Variants in FAM81B observed in about 807,000 individuals in gnomAD.
FAM81B encodes family with sequence similarity 81 member B.
FAM81B carries 60 observed loss-of-function variants against 58.7 expected under a neutral mutation model. The observed-to-expected ratio is 1.02, with a 90% CI of 0.83 to 1.27. The LOEUF (loss-of-function observed/expected upper bound fraction) is 1.27. Ranked by LOEUF, FAM81B falls within the 50% of genes most tolerant of loss-of-function variation. The pLI is 0.00. For missense variants in FAM81B, 491 were observed against 522.0 expected, an observed-to-expected ratio of 0.94 and a Z score of 0.58; for synonymous variants, 189 against 179.6, an observed-to-expected ratio of 1.05 and a Z score of -0.42.
chr5:95,419,303 T>C (rs1762617445), intron 4 of FAM81B, among the ~76,000 whole-genome samples: 1 of 152,200 alleles, frequency 6.6e-6, no homozygotes, highest in Non-Finnish European at 1.5e-5. Context: ...CTAGTAAAAT[T>C]CATAACCATA....
intron 7 of FAM81B, among the ~76,000 whole-genome samples, chr5:95,446,249 A>G (rs970726926): frequency 1.3e-5 from 2 of 152,192 alleles, no homozygotes; most frequent in African/African-American, 2.4e-5. Flanking sequence ...CCAGGCCATG[A>G]GAGGAATTCT....
intron 6 of FAM81B, among the ~76,000 whole-genome samples, chr5:95,432,010 T>C (rs1744918173): frequency 6.6e-6 from 1 of 152,064 alleles, no homozygotes; most frequent in African/African-American, 2.4e-5. Context: ...CATCCTGGTC[T>C]TCTTCCTAAC....
chr5:95,411,211 G>C (rs559002237), intron 3 of FAM81B, among the ~76,000 whole-genome samples: 1 of 152,150 alleles, frequency 6.6e-6, no homozygotes, highest in South Asian at 2.1e-4. Flanking sequence ...GGATGACCTA[G>C]GACCAGTTAA....
intron 7 of FAM81B, among the ~76,000 whole-genome samples, chr5:95,441,397 C>T (rs1745339479): frequency 6.6e-6 from 1 of 152,002 alleles, no homozygotes; most frequent in Admixed American, 6.6e-5. Context: ...AGTGAAACCC[C>T]GCCTGTACTA....
chr5:95,420,324 CAGGAACTAACTTTGCAG>C lies in FAM81B; in HGVS notation c.579_595del (p.Gly194ThrfsTer22), dbSNP rs760803159. On this transcript the variant is annotated frameshift_variant, in exon 5 of 10. Coordinates refer to ENST00000283357, the MANE Select transcript of FAM81B (RefSeq NM_152548.3). LOFTEE classifies it high-confidence loss of function. Reference sequence around the variant, plus strand: ...ATAAGAGCTCGAGATCAGGCGGCCACAGGAACTAACTTTGCAGTACACGAGATAAACATCAAACACCT... The same window carrying C: ...ATAAGAGCTCGAGATCAGGCGGCCACTACACGAGATAAACATCAAACACCT... 44 of 1,613,742 alleles carry C rather than the reference CAGGAACTAACTTTGCAG, an allele frequency of 2.7e-5. No individual in the cohort carries two copies. The highest frequency in any genetic ancestry group is 3.6e-5 in the Non-Finnish European group (42 of 1,179,826).
At chr5:95,401,606 T>C (rs888924133) in intron 3 of FAM81B, among the ~76,000 whole-genome samples, 27 of 152,240 alleles carry the variant, frequency 1.8e-4, no homozygotes, top group African/African-American at 6.3e-4. Flanking sequence ...TTTGTAGGAC[T>C]CTCTGCACTC....
At chr5:95,394,678 C>G (rs949424518) in intron 2 of FAM81B, among the ~76,000 whole-genome samples, 1 of 152,130 alleles carries the variant, frequency 6.6e-6, no homozygotes, top group Non-Finnish European at 1.5e-5. Flanking sequence ...CATTGCAGAC[C>G]CCATTCAGCA....
At chr5:95,450,103 C>T (rs192114736) in intron 9 of FAM81B, 46 bp from the exon 10 acceptor site, 3 of 1,540,690 alleles carry the variant, frequency 1.9e-6, no homozygotes. Flanking sequence ...TAAAAAAAAG[C>T]TCTAATGCAT....
At chr5:95,437,880 A>C (rs7705631) in intron 7 of FAM81B, among the ~76,000 whole-genome samples, 30,243 of 151,550 alleles carry the variant, frequency 0.2, 5,485 homozygotes, top group African/African-American at 0.49. Context: ...TATTCTTTTT[A>C]CTCTATGTCT....
Position 95,408,376 on chromosome 5 carries a change from T to G in FAM81B, c.294-5571T>G, listed in dbSNP as rs549323520. Among the ~76,000 whole-genome samples the G allele has an allele frequency of 4.6e-5, 7 of 152,376 alleles. No individual in the cohort carries two copies. In the South Asian group the frequency reaches 1.4e-3, roughly 32 times the overall value. ...CTTTTCGTTGAACTTCTGACTCTTTTGCTCATCTTTGCCTTTAATCTGTGA... is the reference window on the plus strand; with the variant it reads ...CTTTTCGTTGAACTTCTGACTCTTTGGCTCATCTTTGCCTTTAATCTGTGA... On this transcript the variant is annotated intron_variant, in intron 3 of 9. Transcript: ENST00000283357.
At chr5:95,435,021 A>G (rs1745046060) in intron 6 of FAM81B, among the ~76,000 whole-genome samples, 1 of 152,216 alleles carries the variant, frequency 6.6e-6, no homozygotes, top group South Asian at 2.1e-4. Context: ...AAGATGGAGA[A>G]AGAAGGCTTT....
chr5:95,392,202 A>G (rs555307036), intron 1 of FAM81B, among the ~76,000 whole-genome samples: 3 of 152,352 alleles, frequency 2.0e-5, no homozygotes, highest in Admixed American at 1.3e-4. Flanking sequence ...GTCCCTTTGC[A>G]GGGACATGGA....
At chr5:95,407,112 G>A (rs568520336) in intron 3 of FAM81B, among the ~76,000 whole-genome samples, 1 of 152,106 alleles carries the variant, frequency 6.6e-6, no homozygotes, top group South Asian at 2.1e-4. Flanking sequence ...GAGTCCCACA[G>A]AATCCCCCAT....
intron 4 of FAM81B, among the ~76,000 whole-genome samples, chr5:95,418,804 T>G (rs995193246): frequency 1.3e-5 from 2 of 152,146 alleles, no homozygotes; most frequent in African/African-American, 2.4e-5. Context: ...ATGGCTTAAT[T>G]TAAAAAATAT....
At chr5:95,400,972 G>A (rs1200855918) in intron 3 of FAM81B, among the ~76,000 whole-genome samples, 1 of 148,674 alleles carries the variant, frequency 6.7e-6, no homozygotes, top group East Asian at 2.0e-4. Flanking sequence ...ATCTCAAGAG[G>A]GCCACAAATG....
chr5:95,434,926 T>G (rs908792513), intron 6 of FAM81B, among the ~76,000 whole-genome samples: 4 of 152,264 alleles, frequency 2.6e-5, no homozygotes, highest in Admixed American at 2.6e-4. Context: ...ATAAAGGAAT[T>G]AAATGTGCAA....
intron 2 of FAM81B, 111 bp downstream of exon 2, chr5:95,393,008 T>A: frequency 1.0e-6 from 1 of 973,782 alleles, no homozygotes; most frequent in South Asian, 2.3e-5. Context: ...TCTCCCACAT[T>A]TCCTGTTTGT....
intron 3 of FAM81B, among the ~76,000 whole-genome samples, chr5:95,407,440 A>G (rs1762285907): frequency 1.3e-5 from 2 of 151,952 alleles, no homozygotes; most frequent in South Asian, 2.1e-4. Flanking sequence ...GCACACAAAC[A>G]CACACGCACA....
Position 95,450,216 on chromosome 5 carries a change from G to T in FAM81B, c.1293G>T (p.Glu431Asp), listed in dbSNP as rs369548823. 3.7e-5 allele frequency: 60 copies of T among 1,613,070 alleles called. No homozygotes were observed. Among genetic ancestry groups the T allele is most frequent in the Non-Finnish European group, 5.1e-6 (6 of 1,179,594 alleles). The change falls in exon 10 of 10, where the codon GAG (glutamate) becomes GAT (aspartate). Residue 431 changes from glutamate (E) to aspartate (D), a missense_variant. Transcript: ENST00000283357. ...TACAGAAAACAAAGATGGATTTAGA[G>T]AAATATAAAGTACAGAAAGACCTAA... ...QQIQKTKMDL[E>D]KYKVQKDLKK...
Sources: gnomAD v4.1 joint callset for allele counts (sites outside exome capture counted in the v4.1 genomes callset) on GRCh38, gnomAD v4.1.1 for gene constraint, MANE v1.5 for transcripts, NCBI Gene and HGNC (gene_info 2026-07-23, HGNC 2026-07-21) for gene names.